PRELID2: variants seen among roughly 807,000 people sequenced by gnomAD.
PRELID2 encodes PRELI domain containing 2.
A neutral mutation model predicts 28.4 loss-of-function variants in PRELID2; 25 were observed. The ratio of observed to expected loss-of-function variants is 0.88; its 90% CI spans 0.64 to 1.23. The LOEUF (loss-of-function observed/expected upper bound fraction) is 1.23, where lower values mean the gene tolerates loss of function less well. PRELID2 is among the 50% of genes most tolerant of loss of function. PRELID2 has a pLI of 0.00. For missense variants in PRELID2, 201 were observed against 214.4 expected (o/e 0.94, Z 0.39); for synonymous variants, 76 against 71.6 (o/e 1.06, Z -0.31).
chr5:145,411,999 CTGAGG>C, the PRELID2 span, among the ~76,000 whole-genome samples: 4 of 152,160 alleles, frequency 2.6e-5, no homozygotes, highest in Admixed American at 2.6e-4. Flanking sequence ...GTACCAAGTC[CTGAGG>C]CTGCACACAG....
At chr5:145,305,080 A>C in the PRELID2 span, among the ~76,000 whole-genome samples, 1 of 152,184 alleles carries the variant, frequency 6.6e-6, no homozygotes, top group African/African-American at 2.4e-5. Flanking sequence ...TATTTCTACT[A>C]TCTCCTGAAA....
intron 5 of PRELID2, among the ~76,000 whole-genome samples, chr5:145,789,321 T>C (rs1020075872): frequency 3.3e-5 from 5 of 152,088 alleles, no homozygotes; most frequent in African/African-American, 1.2e-4. Flanking sequence ...TGGAATAGAA[T>C]AGAGAGACCA....
At chr5:145,546,106 T>C (rs933846438) in intron 1 of PRELID2, among the ~76,000 whole-genome samples, 2 of 152,154 alleles carry the variant, frequency 1.3e-5, no homozygotes, top group Non-Finnish European at 2.9e-5. Flanking sequence ...AGGCCTCACA[T>C]ACTATAAAAC....
the PRELID2 span, among the ~76,000 whole-genome samples, chr5:145,321,272 G>A: frequency 1.3e-5 from 2 of 152,122 alleles, no homozygotes; most frequent in Non-Finnish European, 2.9e-5. Flanking sequence ...TTACTAAGGA[G>A]GAAGTTACCT....
At chr5:145,571,128 T>A (rs1753011677) in intron 1 of PRELID2, among the ~76,000 whole-genome samples, 2 of 152,212 alleles carry the variant, frequency 1.3e-5, no homozygotes. Flanking sequence ...TTGAAAACAT[T>A]AAGATTTCAG....
At chr5:145,832,799 A>G (rs1276494225) in intron 1 of PRELID2, among the ~76,000 whole-genome samples, 1 of 151,876 alleles carries the variant, frequency 6.6e-6, no homozygotes. Context: ...ACACCACACC[A>G]CACACCACAC....
intron 1 of PRELID2, among the ~76,000 whole-genome samples, chr5:145,744,109 G>A (rs987245137): frequency 2.0e-5 from 3 of 152,198 alleles, no homozygotes; most frequent in Admixed American, 6.5e-5. Flanking sequence ...CTTCCTCATT[G>A]GGTAGGGCTT....
At chr5:145,397,227 T>C in the PRELID2 span, among the ~76,000 whole-genome samples, 1 of 152,080 alleles carries the variant, frequency 6.6e-6, no homozygotes, top group Non-Finnish European at 1.5e-5. Context: ...CTCTACATGT[T>C]CCGAAGGCCC....
the PRELID2 span, among the ~76,000 whole-genome samples, chr5:145,371,323 A>C: frequency 6.6e-6 from 1 of 152,244 alleles, no homozygotes; most frequent in East Asian, 1.9e-4. Context: ...TTTAACATGA[A>C]GGGATATTGA....
intron 5 of PRELID2, among the ~76,000 whole-genome samples, chr5:145,768,960 G>T (rs1445402695): frequency 1.3e-5 from 2 of 152,118 alleles, no homozygotes; most frequent in Non-Finnish European, 2.9e-5. Context: ...TAACAGGGAA[G>T]CTAAGCCATG....
intron 1 of PRELID2, among the ~76,000 whole-genome samples, chr5:145,708,284 T>C (rs889702458): frequency 6.7e-6 from 1 of 150,362 alleles, no homozygotes; most frequent in Non-Finnish European, 1.5e-5. Flanking sequence ...AGTAGTACAG[T>C]AAGAAAATGA....
intron 1 of PRELID2, among the ~76,000 whole-genome samples, chr5:145,624,954 C>T (rs569519378): frequency 6.6e-5 from 10 of 152,070 alleles, no homozygotes; most frequent in Admixed American, 1.3e-4. Context: ...AGAAGAGAGG[C>T]GCAAATGTCC....
the PRELID2 span, among the ~76,000 whole-genome samples, chr5:145,361,661 C>A: frequency 1.3e-5 from 2 of 152,174 alleles, no homozygotes; most frequent in Non-Finnish European, 2.9e-5. Context: ...CCTACCTCAA[C>A]AAGAACATCT....
the PRELID2 span, among the ~76,000 whole-genome samples, chr5:145,231,716 A>T: frequency 6.6e-6 from 1 of 152,092 alleles, no homozygotes; most frequent in East Asian, 1.9e-4. Context: ...CTCTCTGCTA[A>T]GCTGAAATCA....
intron 1 of PRELID2, among the ~76,000 whole-genome samples, chr5:145,661,474 G>C (rs1754491036): frequency 6.6e-6 from 1 of 151,886 alleles, no homozygotes; most frequent in Non-Finnish European, 1.5e-5. Context: ...TTAATCATTT[G>C]ACAGCTCACT....
At chr5:145,414,591 G>T in the PRELID2 span, among the ~76,000 whole-genome samples, 3 of 152,118 alleles carry the variant, frequency 2.0e-5, no homozygotes, top group Non-Finnish European at 4.4e-5. Flanking sequence ...CTAGAAGAGT[G>T]GTAGATATAT....
chr5:145,823,990 G>A (rs1430941117), intron 1 of PRELID2, among the ~76,000 whole-genome samples: 3 of 152,036 alleles, frequency 2.0e-5, no homozygotes, highest in African/African-American at 7.3e-5. Flanking sequence ...TAGTGTATCT[G>A]GGGGGTAACA....
At chr5:145,550,692 C>T (rs998100152) in intron 1 of PRELID2, among the ~76,000 whole-genome samples, 4 of 151,960 alleles carry the variant, frequency 2.6e-5, no homozygotes, top group African/African-American at 9.7e-5. Context: ...AAATAAGAAA[C>T]TAGGAAACCA....
chr5:145,578,076 A>G (rs1448500944), intron 1 of PRELID2, among the ~76,000 whole-genome samples: 1 of 152,162 alleles, frequency 6.6e-6, no homozygotes, highest in Non-Finnish European at 1.5e-5. Context: ...TTGGCATAAT[A>G]CATGCCAGTT....
Sources: gnomAD v4.1 joint callset for allele counts (sites outside exome capture counted in the v4.1 genomes callset) on GRCh38, gnomAD v4.1.1 for gene constraint, MANE v1.5 for transcripts, NCBI Gene and HGNC (gene_info 2026-07-23, HGNC 2026-07-21) for gene names.